FSTL5: variants seen among roughly 807,000 people sequenced by gnomAD.
FSTL5 encodes follistatin like 5, also known as follistatin-related protein 5.
A neutral mutation model predicts 89.1 loss-of-function variants in FSTL5; 62 were observed. The ratio of observed to expected loss-of-function variants is 0.70; its 90% CI spans 0.57 to 0.86. The LOEUF (loss-of-function observed/expected upper bound fraction) is 0.86. Ranked by LOEUF, FSTL5 falls within the 40% of genes least tolerant of loss-of-function variation. The probability of loss-of-function intolerance (pLI) is 0.00; values close to 1 mark genes in which losing one functional copy is unlikely to be tolerated. For missense variants in FSTL5, 1,057 were observed against 1,001.6 expected (o/e 1.06, Z -0.75); for synonymous variants, 383 against 346.2 (o/e 1.11, Z -1.18).
chr4:161,393,732 A>G (rs1253238777), intron 15 of FSTL5, among the ~76,000 whole-genome samples: 1 of 152,166 alleles, frequency 6.6e-6, no homozygotes, highest in Non-Finnish European at 1.5e-5. Flanking sequence ...AGCTGTTACC[A>G]CTGCTGGTCC....
intron 3 of FSTL5, among the ~76,000 whole-genome samples, chr4:161,922,520 C>G (rs1489983933): frequency 1.3e-5 from 2 of 151,894 alleles, no homozygotes; most frequent in African/African-American, 4.8e-5. Context: ...TGTTAATATA[C>G]AAATTTTTTC....
chr4:161,644,995 C>T (rs1409995732), intron 7 of FSTL5, among the ~76,000 whole-genome samples: 1 of 152,072 alleles, frequency 6.6e-6, no homozygotes, highest in Admixed American at 6.6e-5. Flanking sequence ...GCTATACCTA[C>T]GTTAACTAAG....
chr4:161,807,568 G>T (rs1156916661), intron 4 of FSTL5, among the ~76,000 whole-genome samples: 1 of 152,110 alleles, frequency 6.6e-6, no homozygotes, highest in East Asian at 1.9e-4. Flanking sequence ...TAGGCTTGGT[G>T]GGTCATAGGT....
intron 7 of FSTL5, among the ~76,000 whole-genome samples, chr4:161,603,049 G>A (rs1211602127): frequency 1.3e-5 from 2 of 152,068 alleles, no homozygotes; most frequent in Admixed American, 6.6e-5. Context: ...CAATGTGAAA[G>A]TAAAATGCAT....
At chr4:161,546,269 A>T (rs1398363048) in intron 8 of FSTL5, among the ~76,000 whole-genome samples, 1 of 146,988 alleles carries the variant, frequency 6.8e-6, no homozygotes, top group Non-Finnish European at 1.5e-5. Context: ...GAATACTATA[A>T]ATATGCATAT....
intron 6 of FSTL5, among the ~76,000 whole-genome samples, chr4:161,730,450 ATTAT>A (rs1304686701): frequency 1.3e-5 from 2 of 151,914 alleles, no homozygotes; most frequent in South Asian, 2.1e-4. Context: ...TTAACATAGA[ATTAT>A]TTATTTAAAA....
intron 1 of FSTL5, among the ~76,000 whole-genome samples, chr4:162,153,807 A>G (rs1336240739): frequency 7.2e-6 from 1 of 138,912 alleles, no homozygotes; most frequent in African/African-American, 2.7e-5. Context: ...GTATATATAT[A>G]TATTTATATT....
intron 8 of FSTL5, among the ~76,000 whole-genome samples, chr4:161,572,924 T>A (rs1010082655): frequency 9.9e-5 from 15 of 152,130 alleles, no homozygotes; most frequent in Non-Finnish European, 2.2e-4. Flanking sequence ...AATCCTGATA[T>A]TTAATCAAAA....
intron 15 of FSTL5, among the ~76,000 whole-genome samples, chr4:161,430,514 G>A (rs1466058087): frequency 6.6e-6 from 1 of 152,206 alleles, no homozygotes; most frequent in Non-Finnish European, 1.5e-5. Context: ...GCCGAAGCAG[G>A]TGGATCACGA....
chr4:162,134,765 T>C (rs1424956056), intron 1 of FSTL5, among the ~76,000 whole-genome samples: 1 of 152,190 alleles, frequency 6.6e-6, no homozygotes, highest in African/African-American at 2.4e-5. Context: ...CCATAAATGC[T>C]CACAACTCAA....
intron 6 of FSTL5, among the ~76,000 whole-genome samples, chr4:161,673,724 G>T (rs1422812053): frequency 2.0e-5 from 3 of 151,796 alleles, no homozygotes; most frequent in Admixed American, 6.6e-5. Context: ...TATTAATTTT[G>T]TGATATGAAG....
chr4:161,498,771 T>C (rs1730184230), intron 12 of FSTL5, among the ~76,000 whole-genome samples: 1 of 152,202 alleles, frequency 6.6e-6, no homozygotes, highest in Non-Finnish European at 1.5e-5. Context: ...TTTGTAAGAA[T>C]ATGAGTGTGG....
chr4:161,710,952 A>C (rs1738756403), intron 6 of FSTL5, among the ~76,000 whole-genome samples: 1 of 152,198 alleles, frequency 6.6e-6, no homozygotes, highest in Non-Finnish European at 1.5e-5. Context: ...TGCATTCAAG[A>C]AGAAATCAAA....
intron 15 of FSTL5, among the ~76,000 whole-genome samples, chr4:161,437,564 T>TCAAAGAAAAAAAAAAAAAAAACAAA (rs1560894764): frequency 2.0e-4 from 5 of 25,034 alleles, no homozygotes; most frequent in African/African-American, 8.6e-4. Context: ...AGACTCCGTC[T>TCAAAGAAAAAAAAAAAAAAAACAAA]CAAAAAAAAA....
intron 10 of FSTL5, among the ~76,000 whole-genome samples, chr4:161,524,881 C>G (rs1029128194): frequency 4.0e-5 from 6 of 151,668 alleles, no homozygotes; most frequent in African/African-American, 1.5e-4. Context: ...CCTCTTGAAC[C>G]TGGGAGGGGG....
chr4:161,716,394 C>A (rs992036106), intron 6 of FSTL5, among the ~76,000 whole-genome samples: 1 of 151,994 alleles, frequency 6.6e-6, no homozygotes, highest in Non-Finnish European at 1.5e-5. Context: ...GTCAGGAGTT[C>A]GAGAACAGCC....
At chr4:161,685,366 T>C (rs1737677055) in intron 6 of FSTL5, among the ~76,000 whole-genome samples, 1 of 152,224 alleles carries the variant, frequency 6.6e-6, no homozygotes, top group African/African-American at 2.4e-5. Flanking sequence ...GTATTGATTC[T>C]ACCCATCCAT....
chr4:161,763,293 T>C (rs577984695), intron 5 of FSTL5, among the ~76,000 whole-genome samples: 1 of 152,100 alleles, frequency 6.6e-6, no homozygotes, highest in East Asian at 1.9e-4. Flanking sequence ...TAAATATATA[T>C]ATTTTGCCAT....
chr4:162,118,211 T>C (rs926161174), intron 1 of FSTL5, among the ~76,000 whole-genome samples: 1 of 152,184 alleles, frequency 6.6e-6, no homozygotes, highest in South Asian at 2.1e-4. Flanking sequence ...TACTGTGAAC[T>C]CTGTGGTTGA....
Sources: gnomAD v4.1 joint callset for allele counts (sites outside exome capture counted in the v4.1 genomes callset) on GRCh38, gnomAD v4.1.1 for gene constraint, MANE v1.5 for transcripts, NCBI Gene and HGNC (gene_info 2026-07-23, HGNC 2026-07-21) for gene names.